Variants in GRID2 observed in about 807,000 individuals in gnomAD.
GRID2 encodes glutamate ionotropic receptor delta type subunit 2.
GRID2 carries 33 observed loss-of-function variants against 114.8 expected under a neutral mutation model. The ratio of observed to expected loss-of-function variants is 0.29; its 90% CI spans 0.22 to 0.38. The LOEUF is 0.38. Among genes scored for constraint, GRID2 ranks in the 10% least tolerant of loss-of-function variants. The probability of loss-of-function intolerance (pLI) is 1.00; values close to 1 mark genes in which losing one functional copy is unlikely to be tolerated. For missense variants in GRID2, 1,184 were observed against 1,257.7 expected, an observed-to-expected ratio of 0.94 and a Z score of 0.89; for synonymous variants, 505 against 449.9, an observed-to-expected ratio of 1.12 and a Z score of -1.55.
At chr4:93,042,627 A>G (rs28406416) in intron 2 of GRID2, among the ~76,000 whole-genome samples, 1 of 126,748 alleles carries the variant, frequency 7.9e-6, no homozygotes, top group South Asian at 2.5e-4. Flanking sequence ...CTCTCTCTCT[A>G]TATATATATA....
chr4:92,362,489 T>G (rs1728663931), intron 1 of GRID2, among the ~76,000 whole-genome samples: 1 of 152,020 alleles, frequency 6.6e-6, no homozygotes, highest in Non-Finnish European at 1.5e-5. Context: ...ATTTTCCAAT[T>G]ATTTAATTAA....
intron 1 of GRID2, among the ~76,000 whole-genome samples, chr4:92,408,575 G>T (rs1455162751): frequency 1.3e-5 from 2 of 150,262 alleles, no homozygotes; most frequent in African/African-American, 4.9e-5. Flanking sequence ...GGGCAGTATG[G>T]CCATTTTAAC....
At chr4:93,141,415 C>A (rs1475352272) in intron 4 of GRID2, among the ~76,000 whole-genome samples, 3 of 152,066 alleles carry the variant, frequency 2.0e-5, no homozygotes, top group African/African-American at 7.3e-5. Flanking sequence ...CTGGCAGTTA[C>A]CTTGACTCAA....
intron 14 of GRID2, among the ~76,000 whole-genome samples, chr4:93,741,186 T>TATATATATATATAC (rs1731367382): frequency 3.2e-5 from 1 of 31,590 alleles, no homozygotes; most frequent in African/African-American, 9.9e-5. Flanking sequence ...TATATATATA[T>TATATATATATATAC]ATATATATAT....
At chr4:92,753,282 C>A (rs1016946720) in intron 2 of GRID2, among the ~76,000 whole-genome samples, 1 of 152,018 alleles carries the variant, frequency 6.6e-6, no homozygotes, top group African/African-American at 2.4e-5. Flanking sequence ...TAGAATGATA[C>A]CACTTTGGAT....
chr4:92,665,201 T>C (rs992965135), intron 2 of GRID2, among the ~76,000 whole-genome samples: 2 of 150,824 alleles, frequency 1.3e-5, no homozygotes, highest in Non-Finnish European at 3.0e-5. Context: ...TCCTAGAGCT[T>C]TTTTGTGTGG....
At chr4:93,090,088 G>A (rs570205322) in intron 3 of GRID2, among the ~76,000 whole-genome samples, 1 of 152,092 alleles carries the variant, frequency 6.6e-6, no homozygotes, top group Non-Finnish European at 1.5e-5. Context: ...TTTCTACAAC[G>A]TTGTTGGCTA....
intron 13 of GRID2, among the ~76,000 whole-genome samples, chr4:93,530,075 C>T (rs1014906700): frequency 1.1e-4 from 16 of 152,154 alleles, no homozygotes; most frequent in Admixed American, 6.6e-5. Flanking sequence ...AACTATCAAT[C>T]CTGCCTCTGA....
intron 14 of GRID2, among the ~76,000 whole-genome samples, chr4:93,718,439 T>G (rs1328206903): frequency 6.6e-6 from 1 of 152,152 alleles, no homozygotes; most frequent in Non-Finnish European, 1.5e-5. Context: ...AATGACGTAA[T>G]GGTCAGAAAT....
chr4:92,956,598 T>C (rs1752428307), intron 2 of GRID2, among the ~76,000 whole-genome samples: 1 of 152,208 alleles, frequency 6.6e-6, no homozygotes, highest in Non-Finnish European at 1.5e-5. Context: ...TTGGCAATTA[T>C]AAATAAAGCT....
intron 1 of GRID2, among the ~76,000 whole-genome samples, chr4:92,533,848 A>G (rs1220668490): frequency 6.6e-6 from 1 of 152,072 alleles, no homozygotes; most frequent in Non-Finnish European, 1.5e-5. Context: ...AGACTTAATA[A>G]TTTATCAGTA....
At chr4:92,599,758 G>A (rs551483999) in intron 2 of GRID2, among the ~76,000 whole-genome samples, 1 of 151,908 alleles carries the variant, frequency 6.6e-6, no homozygotes, top group Admixed American at 6.6e-5. Context: ...CATGCACCGT[G>A]GCTCACGCCT....
intron 10 of GRID2, among the ~76,000 whole-genome samples, chr4:93,455,036 CAAG>C (rs1363927770): frequency 6.6e-6 from 1 of 151,990 alleles, no homozygotes; most frequent in Non-Finnish European, 1.5e-5. Flanking sequence ...ATTATTACTC[CAAG>C]AAGAATTCTC....
chr4:93,013,478 A>G lies in GRID2; in HGVS notation c.245-71517A>G, dbSNP rs150219809. 9.9e-5 allele frequency among the ~76,000 whole-genome samples: 15 copies of G among 152,150 alleles called. No homozygotes were observed. In the East Asian group the frequency reaches 2.9e-3, roughly 29 times the overall value. ...TTGCTTTTTAGCAAGGGTGCTAAAA[A>G]TTGTAAAGATTTTAACTTAGCATGG... is the stretch of plus-strand genomic sequence containing the variant. On this transcript the variant is annotated intron_variant, in intron 2 of 15. Transcript: ENST00000282020.
intron 1 of GRID2, among the ~76,000 whole-genome samples, chr4:92,355,286 T>TA (rs1367224332): frequency 6.6e-6 from 1 of 151,862 alleles, no homozygotes; most frequent in Non-Finnish European, 1.5e-5. Context: ...GATTTTTTTT[T>TA]ACCTCATTAT....
At chr4:92,330,924 G>T (rs1361317171) in intron 1 of GRID2, among the ~76,000 whole-genome samples, 1 of 151,986 alleles carries the variant, frequency 6.6e-6, no homozygotes, top group Non-Finnish European at 1.5e-5. Context: ...GGAAAATGTG[G>T]TGTCCTTTAA....
At chr4:92,420,578 G>A (rs1305490081) in intron 1 of GRID2, among the ~76,000 whole-genome samples, 1 of 152,100 alleles carries the variant, frequency 6.6e-6, no homozygotes, top group African/African-American at 2.4e-5. Flanking sequence ...TCCCTAGTCT[G>A]TCCTTCACAT....
chr4:92,481,084 C>A (rs535582551), intron 1 of GRID2, among the ~76,000 whole-genome samples: 1 of 152,108 alleles, frequency 6.6e-6, no homozygotes, highest in East Asian at 1.9e-4. Flanking sequence ...CTGAAGTCAG[C>A]AGGATAGGCT....
intron 1 of GRID2, among the ~76,000 whole-genome samples, chr4:93,782,892 TAC>T (rs57202855): frequency 0.027 from 4,069 of 149,894 alleles, 106 homozygotes; most frequent in African/African-American, 0.068. Context: ...CCATGAATCA[TAC>T]ACACACACAC....
Sources: allele counts gnomAD v4.1 joint callset (sites outside exome capture counted in the v4.1 genomes callset), GRCh38; gene constraint gnomAD v4.1.1; transcripts MANE v1.5; gene names NCBI Gene and HGNC (gene_info 2026-07-23, HGNC 2026-07-21).